CDH18: variants seen among roughly 807,000 people sequenced by gnomAD.
CDH18 encodes the protein cadherin 18.
CDH18 carries 31 observed loss-of-function variants against 67.9 expected under a neutral mutation model. The observed-to-expected ratio is 0.46, with a 90% CI of 0.34 to 0.62. The LOEUF is 0.62. CDH18 is among the 20% of genes least tolerant of loss of function. The probability of loss-of-function intolerance (pLI) is 0.01; values close to 1 mark genes in which losing one functional copy is unlikely to be tolerated. For synonymous variants in CDH18, 362 were observed against 347.2 expected, an observed-to-expected ratio of 1.04 and a Z score of -0.48; for missense variants, 890 against 975.5, an observed-to-expected ratio of 0.91 and a Z score of 1.17.
chr5:20,511,193 A>T (rs1255553037), intron 1 of CDH18, among the ~76,000 whole-genome samples: 1 of 152,206 alleles, frequency 6.6e-6, no homozygotes, highest in Admixed American at 6.5e-5. Context: ...GGAGATTGAT[A>T]GTACACCAGA....
chr5:20,102,731 A>G (rs1746580444), intron 2 of CDH18, among the ~76,000 whole-genome samples: 1 of 152,188 alleles, frequency 6.6e-6, no homozygotes, highest in African/African-American at 2.4e-5. Context: ...AACAAAAGAA[A>G]TAGAGACAGA....
At chr5:20,083,424 A>C (rs922230334) in intron 2 of CDH18, among the ~76,000 whole-genome samples, 1 of 152,028 alleles carries the variant, frequency 6.6e-6, no homozygotes, top group Non-Finnish European at 1.5e-5. Context: ...CAAATTGCAG[A>C]GTTGTGGCAA....
At chr5:19,886,426 A>G (rs1788208357) in intron 2 of CDH18, among the ~76,000 whole-genome samples, 1 of 152,176 alleles carries the variant, frequency 6.6e-6, no homozygotes, top group African/African-American at 2.4e-5. Context: ...ACAGAAACAG[A>G]GACAAGAGGC....
At chr5:19,739,192 A>G (rs1768767871) in intron 4 of CDH18, among the ~76,000 whole-genome samples, 1 of 152,228 alleles carries the variant, frequency 6.6e-6, no homozygotes, top group South Asian at 2.1e-4. Flanking sequence ...GTACTTGTTC[A>G]ATAAACATTT....
At chr5:20,235,919 A>T (rs1216791743) in intron 2 of CDH18, among the ~76,000 whole-genome samples, 1 of 152,204 alleles carries the variant, frequency 6.6e-6, no homozygotes, top group Admixed American at 6.5e-5. Context: ...CTACACAGAC[A>T]TAAAAAGAAC....
At chr5:19,900,723 A>C (rs2150111282) in intron 2 of CDH18, among the ~76,000 whole-genome samples, 1 of 152,270 alleles carries the variant, frequency 6.6e-6, no homozygotes, top group Non-Finnish European at 1.5e-5. Context: ...ACAATTATAA[A>C]ACATTAGTGT....
intron 1 of CDH18, among the ~76,000 whole-genome samples, chr5:20,283,304 T>C (rs926108768): frequency 1.3e-5 from 2 of 151,578 alleles, no homozygotes; most frequent in Non-Finnish European, 3.0e-5. Context: ...AAACAACAAG[T>C]GGAGGGAATC....
chr5:20,283,971 A>G (rs1337656018), intron 1 of CDH18, among the ~76,000 whole-genome samples: 1 of 152,044 alleles, frequency 6.6e-6, no homozygotes, highest in African/African-American at 2.4e-5. Context: ...AGAGATCATT[A>G]TGTTAAGTAA....
At chr5:20,311,700 G>A (rs898180156) in intron 1 of CDH18, among the ~76,000 whole-genome samples, 1 of 152,068 alleles carries the variant, frequency 6.6e-6, no homozygotes. Flanking sequence ...TGTAGATGAT[G>A]AGTTGATGGG....
intron 5 of CDH18, among the ~76,000 whole-genome samples, chr5:19,621,080 G>A (rs564850898): frequency 1.3e-5 from 2 of 152,264 alleles, no homozygotes; most frequent in African/African-American, 2.4e-5. Context: ...AGGTTTACCT[G>A]TGAGTAAATA....
chr5:20,345,358 C>G (rs1561990804), intron 1 of CDH18, among the ~76,000 whole-genome samples: 2 of 152,092 alleles, frequency 1.3e-5, no homozygotes, highest in Non-Finnish European at 2.9e-5. Context: ...TCCGGAACAC[C>G]CAAGGGATTA....
intron 2 of CDH18, among the ~76,000 whole-genome samples, chr5:19,856,713 A>AT (rs1784323449): frequency 6.6e-6 from 1 of 151,850 alleles, no homozygotes; most frequent in South Asian, 2.1e-4. Flanking sequence ...GCAAAAAAAA[A>AT]AATAAAAATC....
At chr5:19,534,205 T>G (rs1333187109) in intron 9 of CDH18, among the ~76,000 whole-genome samples, 1 of 152,154 alleles carries the variant, frequency 6.6e-6, no homozygotes, top group East Asian at 1.9e-4. Context: ...AGTGTCCACA[T>G]GCCTTTCATT....
chr5:20,074,884 A>G (rs1743790659), intron 2 of CDH18, among the ~76,000 whole-genome samples: 1 of 152,174 alleles, frequency 6.6e-6, no homozygotes, highest in South Asian at 2.1e-4. Flanking sequence ...AAAATGTATT[A>G]CTTTAATATA....
chr5:19,847,771 A>T lies in CDH18; in HGVS notation c.-256-8529T>A, dbSNP rs1581627086. Among the ~76,000 whole-genome samples the T allele has an allele frequency of 2.8e-5, 3 of 106,394 alleles. No individual in the cohort carries two copies. In the Admixed American group the frequency reaches 3.3e-4, roughly 12 times the overall value. The allele number at this position is 106,394 out of a possible 152,430, so 69.8% of individuals were successfully genotyped here. A position where few individuals can be genotyped will look rare whatever the true frequency, so the allele number is the denominator to read the frequency against. The stretch of plus-strand genomic sequence containing the variant: ...AACTAAGATTCCGCAGATCACTCAA[A>T]CTTTCTCTGTAGACATGTCTTTTGA... On this transcript the variant is annotated intron_variant, in intron 2 of 12. Transcript: ENST00000382275.
chr5:20,548,545 T>C (rs1209261511), intron 1 of CDH18, among the ~76,000 whole-genome samples: 3 of 151,970 alleles, frequency 2.0e-5, no homozygotes, highest in African/African-American at 7.2e-5. Context: ...GTAAATTGGT[T>C]TATCTGTTTA....
At chr5:20,356,756 T>TAC (rs1474469011) in intron 1 of CDH18, among the ~76,000 whole-genome samples, 1 of 137,986 alleles carries the variant, frequency 7.2e-6, no homozygotes, top group Non-Finnish European at 1.6e-5. Context: ...TCTCTCTCTA[T>TAC]ATATATATAT....
chr5:19,969,576 C>T (rs1797820808), intron 2 of CDH18, among the ~76,000 whole-genome samples: 1 of 150,770 alleles, frequency 6.6e-6, no homozygotes, highest in African/African-American at 2.5e-5. Flanking sequence ...TCATCATTCT[C>T]AGTAAACTAT....
intron 2 of CDH18, among the ~76,000 whole-genome samples, chr5:20,079,702 C>T (rs1419772211): frequency 6.6e-6 from 1 of 152,114 alleles, no homozygotes. Flanking sequence ...TCTTGACCAA[C>T]AAGTGGTCAA....
Sources: gnomAD v4.1 joint callset for allele counts (sites outside exome capture counted in the v4.1 genomes callset) on GRCh38, gnomAD v4.1.1 for gene constraint, MANE v1.5 for transcripts, NCBI Gene and HGNC (gene_info 2026-07-23, HGNC 2026-07-21) for gene names.